FLT1: variants seen among roughly 807,000 people sequenced by gnomAD.
The protein encoded by FLT1 is vascular endothelial growth factor receptor 1.
Under a neutral mutation model 156.3 loss-of-function variants are expected in FLT1, and 49 were observed. The ratio of observed to expected loss-of-function variants is 0.31; its 90% CI spans 0.25 to 0.40. FLT1 has a LOEUF of 0.40. FLT1 is among the 10% of genes least tolerant of loss of function. FLT1 has a pLI of 1.00. For missense variants in FLT1, 1,322 were observed against 1,637.2 expected (o/e 0.81, Z 3.32); for synonymous variants, 594 against 583.8 (o/e 1.02, Z -0.25).
rs1593780776 is a variant in FLT1 at position 28,427,778 on chromosome 13, T to G, written c.1250A>C (p.Asn417Thr). 1 of 1,613,634 alleles carries G rather than the reference T, an allele frequency of 6.2e-7. No homozygotes were observed. The highest frequency in any genetic ancestry group is 8.5e-7 in the Non-Finnish European group (1 of 1,179,786). ...LSIKQSNVFK[N>T]LTATLIVNVK... is the part of the protein sequence containing the mutation. ...ATTGACAATTAGAGTGGCAGTGAGGTTTTTAAACACATTTGACTGTTTTAT... is the reference window on the plus strand; with the variant it reads ...ATTGACAATTAGAGTGGCAGTGAGGGTTTTAAACACATTTGACTGTTTTAT... Residue 417 changes from asparagine to threonine, a missense_variant, in exon 9 of 30, where the codon AAC becomes ACC. Asn to Thr is a moderately conservative substitution (Grantham distance 65). Around this residue, in one of 3 missense-constraint regions of FLT1, gnomAD observed 991 missense variants for 1,254.8 expected, o/e 0.79. Coordinates refer to ENST00000282397, the MANE Select transcript of FLT1 (RefSeq NM_002019.4).
Position 28,322,680 on chromosome 13 carries a change from A to T in FLT1, c.2953+110T>A. The stretch of plus-strand genomic sequence containing the variant: ...TATCTCCTCAGGACATTACCATTCG[A>T]GTCTCCCACGGATGTTTATTAGAGT... On this transcript the variant is annotated intron_variant, in intron 21 of 29. Coordinates refer to ENST00000282397, the MANE Select transcript of FLT1 (RefSeq NM_002019.4). The surrounding 1 kb of genome is among the most constrained non-coding windows in gnomAD (Gnocchi z 4.3). 1.0e-6 allele frequency: 1 copy of T among 955,808 alleles called. No homozygotes were observed. The highest frequency in any genetic ancestry group is 1.7e-6 in the Non-Finnish European group (1 of 591,018). The allele number at this position is 955,808 out of a possible 1,614,324, so 59.2% of individuals were successfully genotyped here.
chr13:28,456,662 G>A (rs1205221247), intron 3 of FLT1, among the ~76,000 whole-genome samples: 2 of 152,028 alleles, frequency 1.3e-5, no homozygotes, highest in Non-Finnish European at 2.9e-5. Flanking sequence ...TGGGTGTGGT[G>A]GTGGGCACCT....
At chr13:28,388,869 T>A in intron 13 of FLT1, 1 of 1,063,404 alleles carries the variant, frequency 9.4e-7, no homozygotes, top group Non-Finnish European at 1.1e-6. Flanking sequence ...GACAGGAATA[T>A]TTAAAATTAA....
rs375347196 is a variant in FLT1, at chr13:28,389,974, G to A, written c.1791C>T (p.Asn597=). 1.4e-5 allele frequency: 23 copies of A among 1,614,004 alleles called. No individual in the cohort carries two copies. In the African/African-American group the frequency reaches 3.1e-4, roughly 22 times the overall value. The change falls in exon 13 of 30, where the codon AAC becomes AAT. Residue 597 remains asparagine (N), a synonymous_variant. Coordinates refer to ENST00000282397, the MANE Select transcript of FLT1 (RefSeq NM_002019.4). ...VTWILLRTVN[N]RTMHYSISKQ... ...TGCTAATACTGTAGTGCATTGTTCTGTTATTAACTGTCCGCAGTAAAATCC... is the reference window on the plus strand; with the variant it reads ...TGCTAATACTGTAGTGCATTGTTCTATTATTAACTGTCCGCAGTAAAATCC...
At chr13:28,326,444 A>G (rs1466959568) in intron 20 of FLT1, among the ~76,000 whole-genome samples, 1 of 151,984 alleles carries the variant, frequency 6.6e-6, no homozygotes, top group African/African-American at 2.4e-5. Context: ...AGAGAAGGAC[A>G]CAGTATTGGT....
chr13:28,389,599 C>T lies in FLT1; in HGVS notation c.1969+197G>A, dbSNP rs118138065. On this transcript the variant is annotated intron_variant, in intron 13 of 29. Transcript: ENST00000282397. ...GTCTCATTATTACTGCTATCATCTC[C>T]GAACTCATTTTGGGAGGAGCATCTC... 1.9e-3 allele frequency: 2,794 copies of T among 1,454,026 alleles called. 61 individuals carry two copies. In the Admixed American group the frequency reaches 0.048, roughly 25 times the overall value. 90.1% of individuals were successfully genotyped at this position (1,454,026 alleles called of 1,614,324 possible). A position where few individuals can be genotyped will look rare whatever the true frequency, so the allele number is the denominator to read the frequency against.
At chr13:28,352,854 G>T (rs1447467228) in intron 15 of FLT1, among the ~76,000 whole-genome samples, 1 of 152,196 alleles carries the variant, frequency 6.6e-6, no homozygotes, top group East Asian at 1.9e-4. Context: ...AGGAAGAGAG[G>T]AGCTAACGTG....
chr13:28,321,694 G>GA, intron 22 of FLT1, 109 bp from the exon 23 acceptor site: 3 of 1,126,230 alleles, frequency 2.7e-6, no homozygotes, highest in Non-Finnish European at 4.0e-6. Context: ...CACATGCTGT[G>GA]AAGGGAGCAC....
chr13:28,307,897 T>C (rs1291429885), intron 28 of FLT1, among the ~76,000 whole-genome samples: 1 of 152,132 alleles, frequency 6.6e-6, no homozygotes, highest in Non-Finnish European at 1.5e-5. Flanking sequence ...TCAGCCTTCC[T>C]AGTAGCTGGG....
chr13:28,467,039 A>G lies in FLT1; in HGVS notation c.252T>C (p.Asn84=), dbSNP rs372028871. ...TTAAAGTACTGCAGAATTGTTTGCC[A>G]TTTCTTCCACAGGCAGATTTAGTTA... ...LSITKSACGR[N]GKQFCSTLTL... The change falls in exon 3 of 30, where the codon AAT becomes AAC. Residue 84 remains asparagine (N), a synonymous_variant. Transcript: ENST00000282397. 5 of 1,614,062 alleles carry G rather than the reference A, an allele frequency of 3.1e-6. No individual in the cohort carries two copies. In the African/African-American group the frequency reaches 4.0e-5, roughly 13 times the overall value.
chr13:28,398,896 T>C (rs897631811), intron 11 of FLT1: 2 of 632,012 alleles, frequency 3.2e-6, no homozygotes, highest in Admixed American at 5.3e-5. Context: ...GGAAAGCGCA[T>C]ATGAAGGCAA....
intron 13 of FLT1, chr13:28,389,020 C>T (rs1008878638): frequency 2.8e-6 from 3 of 1,064,266 alleles, no homozygotes; most frequent in Non-Finnish European, 3.4e-6. Flanking sequence ...AGGGAGGGGA[C>T]GTTGATTTGG....
chr13:28,325,259 A>G (rs1343281087), intron 20 of FLT1, among the ~76,000 whole-genome samples: 3 of 152,194 alleles, frequency 2.0e-5, no homozygotes, highest in East Asian at 3.9e-4. Context: ...AGCCAGTCCA[A>G]AATTTCAGTA....
Position 28,301,959 on chromosome 13 carries a change from T to G in FLT1, c.*1208A>C. On this transcript the variant is annotated 3_prime_UTR_variant, in exon 30 of 30. Coordinates refer to ENST00000282397, the MANE Select transcript of FLT1 (RefSeq NM_002019.4). ...GCCAGCTAATGCTCTTCCACATCCT[T>G]TCAGATTAGTGTGAGATAGTGGAAT... The G allele has an allele frequency of 4.3e-6, 1 of 233,720 alleles. No homozygotes were observed. The highest frequency in any genetic ancestry group is 5.6e-5 in the Admixed American group (1 of 17,802). 14.5% of individuals were successfully genotyped at this position (233,720 alleles called of 1,614,324 possible). A position where few individuals can be genotyped will look rare whatever the true frequency, so the allele number is the denominator to read the frequency against.
chr13:28,421,965 T>G (rs1877030590), intron 10 of FLT1, among the ~76,000 whole-genome samples: 1 of 152,224 alleles, frequency 6.6e-6, no homozygotes, highest in African/African-American at 2.4e-5. Context: ...TTCCCAATTC[T>G]CTATCCTTGG....
intron 14 of FLT1, among the ~76,000 whole-genome samples, chr13:28,378,855 G>C (rs1201927801): frequency 6.6e-6 from 1 of 152,054 alleles, no homozygotes; most frequent in Non-Finnish European, 1.5e-5. Flanking sequence ...CTTGGTACCT[G>C]GTAAACGCTC....
intron 15 of FLT1, chr13:28,345,764 C>G: frequency 2.0e-6 from 1 of 508,646 alleles, no homozygotes; most frequent in East Asian, 3.2e-5. Flanking sequence ...TACATGAACT[C>G]ACATAATGAA....
At chr13:28,402,594 A>C (rs908396981) in intron 11 of FLT1, among the ~76,000 whole-genome samples, 8 of 151,946 alleles carry the variant, frequency 5.3e-5, no homozygotes, top group Admixed American at 5.2e-4. Flanking sequence ...AGAGAGAGAG[A>C]CTTTGTTTAG....
At chr13:28,344,785 G>T (rs1281749469) in intron 16 of FLT1, among the ~76,000 whole-genome samples, 1 of 143,034 alleles carries the variant, frequency 7.0e-6, no homozygotes, top group Non-Finnish European at 1.5e-5. Flanking sequence ...CAAAGGTGGG[G>T]CCTTTACTTT....
Sources: allele counts gnomAD v4.1 joint callset (sites outside exome capture counted in the v4.1 genomes callset), GRCh38; gene constraint gnomAD v4.1.1; regional missense constraint gnomAD v4.1.1; non-coding constraint Gnocchi (gnomAD v3.1); transcripts MANE v1.5; gene names NCBI Gene and HGNC (gene_info 2026-07-23, HGNC 2026-07-21).